The following BBS9 variants were observed in gnomAD, a reference collection of about 807,000 sequenced individuals.
BBS9 encodes the protein protein PTHB1.
BBS9 carries 89 observed loss-of-function variants against 117.7 expected under a neutral mutation model. The observed-to-expected ratio is 0.76, with a 90% confidence interval of 0.64 to 0.90. The LOEUF is 0.90. Among genes scored for constraint, BBS9 ranks in the 40% least tolerant of loss-of-function variants. BBS9 has a pLI of 0.00. For synonymous variants in BBS9, 379 were observed against 370.9 expected, an observed-to-expected ratio of 1.02 and a Z score of -0.25; for missense variants, 982 against 1,042.2, an observed-to-expected ratio of 0.94 and a Z score of 0.80.
chr7:33,595,047 ATAGAT>A (rs1236557139), intron 21 of BBS9, among the ~76,000 whole-genome samples: 1 of 152,176 alleles, frequency 6.6e-6, no homozygotes, highest in East Asian at 1.9e-4. Context: ...TTAACTCAAG[ATAGAT>A]TAAAGACTTA....
intron 5 of BBS9, among the ~76,000 whole-genome samples, chr7:33,229,071 G>A (rs1791834077): frequency 6.6e-6 from 1 of 152,092 alleles, no homozygotes; most frequent in African/African-American, 2.4e-5. Flanking sequence ...ATTTTATTAT[G>A]TATATTTAAG....
intron 5 of BBS9, among the ~76,000 whole-genome samples, chr7:33,256,399 G>A (rs1310613833): frequency 6.6e-6 from 1 of 152,044 alleles, no homozygotes; most frequent in Non-Finnish European, 1.5e-5. Context: ...GGCTATTTAA[G>A]GTTGATAAAT....
intron 6 of BBS9, among the ~76,000 whole-genome samples, chr7:33,260,711 C>G (rs921915993): frequency 6.6e-6 from 1 of 152,220 alleles, no homozygotes; most frequent in Non-Finnish European, 1.5e-5. Context: ...GGCAGGAAGT[C>G]AGTCAGCTAC....
intron 21 of BBS9, among the ~76,000 whole-genome samples, chr7:33,546,625 C>T (rs2598408): frequency 0.71 from 108,805 of 152,176 alleles, 40,455 homozygotes; most frequent in East Asian, 0.92. Flanking sequence ...TTTACTGATA[C>T]TGAAATACTC....
At chr7:33,404,385 T>G (rs1174499186) in intron 19 of BBS9, among the ~76,000 whole-genome samples, 1 of 152,106 alleles carries the variant, frequency 6.6e-6, no homozygotes, top group Admixed American at 6.5e-5. Context: ...GTGAAGAAAG[T>G]CATTGGTAGC....
At chr7:33,486,558 A>G (rs1158157361) in intron 19 of BBS9, among the ~76,000 whole-genome samples, 2 of 152,244 alleles carry the variant, frequency 1.3e-5, no homozygotes, top group Admixed American at 1.3e-4. Context: ...ATATTTTTAC[A>G]TATTCAGAGA....
chr7:33,471,410 G>A (rs2392236), intron 19 of BBS9, among the ~76,000 whole-genome samples: 118,471 of 152,244 alleles, frequency 0.78, 46,935 homozygotes, highest in African/African-American at 0.93. Flanking sequence ...TGTTCATAGA[G>A]TCAGAGTATC....
chr7:33,428,835 G>C (rs778272674), intron 19 of BBS9, among the ~76,000 whole-genome samples: 2 of 152,110 alleles, frequency 1.3e-5, no homozygotes, highest in Non-Finnish European at 2.9e-5. Flanking sequence ...TGGTAGTTTT[G>C]CATTGATTTT....
intron 21 of BBS9, among the ~76,000 whole-genome samples, chr7:33,569,809 T>G (rs2129136289): frequency 6.6e-6 from 1 of 152,170 alleles, no homozygotes; most frequent in South Asian, 2.1e-4. Flanking sequence ...AATAGACGAA[T>G]GTGTGCATGC....
chr7:33,548,179 T>C (rs1853722750), intron 21 of BBS9, among the ~76,000 whole-genome samples: 1 of 152,194 alleles, frequency 6.6e-6, no homozygotes, highest in South Asian at 2.1e-4. Flanking sequence ...TTTATACTAA[T>C]GTGGATACTC....
At chr7:33,451,401 T>C (rs1487065076) in intron 19 of BBS9, among the ~76,000 whole-genome samples, 1 of 152,188 alleles carries the variant, frequency 6.6e-6, no homozygotes, top group African/African-American at 2.4e-5. Flanking sequence ...CCTATTTCCC[T>C]CTTTTATGTG....
intron 20 of BBS9, among the ~76,000 whole-genome samples, chr7:33,528,647 C>T (rs1159520162): frequency 3.9e-5 from 6 of 152,164 alleles, no homozygotes; most frequent in Admixed American, 3.3e-4. Flanking sequence ...TGCCGTACCA[C>T]TTATATAAGT....
At chr7:33,549,485 C>G (rs1204429668) in intron 21 of BBS9, among the ~76,000 whole-genome samples, 1 of 149,030 alleles carries the variant, frequency 6.7e-6, no homozygotes, top group Admixed American at 6.7e-5. Context: ...TCAGAGTGAA[C>G]AGGCAACCTA....
chr7:33,353,794 G>C (rs1183905285), intron 15 of BBS9, among the ~76,000 whole-genome samples: 1 of 151,880 alleles, frequency 6.6e-6, no homozygotes, highest in Non-Finnish European at 1.5e-5. Flanking sequence ...CTTGATATCT[G>C]GAAGTTATAT....
chr7:33,520,568 C>T (rs1848455165), intron 20 of BBS9, among the ~76,000 whole-genome samples: 1 of 152,116 alleles, frequency 6.6e-6, no homozygotes, highest in South Asian at 2.1e-4. Context: ...AGACATTAAG[C>T]TTATGTTTAA....
At chr7:33,607,360 T>C (rs1009021001), downstream of BBS9, among the ~76,000 whole-genome samples, 1 of 152,138 alleles carries the variant, frequency 6.6e-6, no homozygotes, top group Admixed American at 6.6e-5. Flanking sequence ...GAGATTTGAA[T>C]CTTGAAAATT....
At chr7:33,419,746 T>C (rs1319071565) in intron 19 of BBS9, among the ~76,000 whole-genome samples, 1 of 152,222 alleles carries the variant, frequency 6.6e-6, no homozygotes, top group African/African-American at 2.4e-5. Flanking sequence ...ATCTGTATAC[T>C]TCATTAAAAA....
intron 5 of BBS9, among the ~76,000 whole-genome samples, chr7:33,219,319 G>A (rs899914463): frequency 1.3e-4 from 20 of 152,152 alleles, no homozygotes; most frequent in African/African-American, 4.3e-4. Context: ...GTGCTCCACC[G>A]CGGCCGGTCC....
intron 10 of BBS9, 151 bp from the exon 11 acceptor site, chr7:33,340,746 G>C: frequency 1.6e-6 from 1 of 608,190 alleles, no homozygotes; most frequent in South Asian, 2.1e-5. Context: ...TTAGCATCAA[G>C]CTTCTAATAC....
Sources: gnomAD v4.1 joint callset for allele counts (sites outside exome capture counted in the v4.1 genomes callset) on GRCh38, gnomAD v4.1.1 for gene constraint, MANE v1.5 for transcripts, NCBI Gene and HGNC (gene_info 2026-07-23, HGNC 2026-07-21) for gene names.